STAB2: variants seen among roughly 807,000 people sequenced by gnomAD.
STAB2 encodes stabilin-2.
STAB2 carries 288 observed loss-of-function variants against 338.1 expected under a neutral mutation model. The observed-to-expected ratio is 0.85, with a 90% confidence interval of 0.77 to 0.94. The LOEUF (loss-of-function observed/expected upper bound fraction) is 0.94. STAB2 is among the 40% of genes least tolerant of loss of function. The probability of loss-of-function intolerance (pLI) is 0.00; values close to 1 mark genes in which losing one functional copy is unlikely to be tolerated. For synonymous variants in STAB2, 1,202 were observed against 1,193.3 expected, an observed-to-expected ratio of 1.01 and a Z score of -0.15; for missense variants, 3,141 against 3,210.1, an observed-to-expected ratio of 0.98 and a Z score of 0.52.
chr12:103,637,041 A>C, intron 6 of STAB2, 70 bp from the exon 7 acceptor site: 7 of 1,438,690 alleles, frequency 4.9e-6, no homozygotes, highest in Non-Finnish European at 5.6e-6. Context: ...AAAAGGGAAT[A>C]CTGCAGTTTG....
intron 17 of STAB2, among the ~76,000 whole-genome samples, chr12:103,662,559 A>G (rs1444216548): frequency 6.6e-6 from 1 of 152,232 alleles, no homozygotes; most frequent in African/African-American, 2.4e-5. Context: ...GTCTCACAGC[A>G]AGTATATTGC....
At chr12:103,603,150 A>C (rs1441816669) in intron 3 of STAB2, among the ~76,000 whole-genome samples, 1 of 152,122 alleles carries the variant, frequency 6.6e-6, no homozygotes, top group Non-Finnish European at 1.5e-5. Flanking sequence ...GGCTCACTGC[A>C]AGCTCTGCCT....
intron 6 of STAB2, among the ~76,000 whole-genome samples, chr12:103,631,934 G>A (rs1002761049): frequency 6.6e-6 from 1 of 152,206 alleles, no homozygotes; most frequent in Admixed American, 6.5e-5. Flanking sequence ...CTGTGTTTTA[G>A]GAAGGTTGAA....
intron 3 of STAB2, among the ~76,000 whole-genome samples, chr12:103,613,300 G>A (rs528439894): frequency 1.3e-5 from 2 of 152,196 alleles, no homozygotes; most frequent in South Asian, 4.1e-4. Context: ...GTATACAGAG[G>A]TAGGCAGGCC....
At chr12:103,708,621 C>G in intron 39 of STAB2, 85 bp downstream of exon 39, 1 of 1,283,738 alleles carries the variant, frequency 7.8e-7, no homozygotes, top group Non-Finnish European at 1.1e-6. Context: ...ATATAAATGA[C>G]ACCTTTTTTT....
At chr12:103,686,608 T>C (rs1877455334) in intron 27 of STAB2, among the ~76,000 whole-genome samples, 2 of 152,128 alleles carry the variant, frequency 1.3e-5, no homozygotes, top group Admixed American at 1.3e-4. Context: ...CAGGTTCAGG[T>C]GATCCTCCTG....
chr12:103,633,836 C>T (rs1413006827), intron 6 of STAB2, among the ~76,000 whole-genome samples: 2 of 152,066 alleles, frequency 1.3e-5, no homozygotes, highest in Admixed American at 6.5e-5. Context: ...ACAAATTTTA[C>T]CCATCTGTGG....
At chr12:103,763,708 C>A in intron 68 of STAB2, 100 bp downstream of exon 68, 1 of 1,128,344 alleles carries the variant, frequency 8.9e-7, no homozygotes, top group Non-Finnish European at 1.3e-6. Flanking sequence ...AAAGAAGGTT[C>A]ATTTCTAGAA....
rs1181648860 is a variant in STAB2, at chr12:103,648,744, T to G, written c.1095T>G (p.Ile365Met). 6.2e-7 allele frequency: 1 copy of G among 1,614,134 alleles called. No individual in the cohort carries two copies. Among genetic ancestry groups the G allele is most frequent in the Admixed American group, 1.7e-5 (1 of 60,010 alleles). ...ATGGCTTAACGTGTTATGGAAACAT[T>G]ATGGAGCGACTCAGAGAATTAAATA... The part of the protein sequence containing the change: ...VGDGLTCYGN[I>M]MERLRELNTE... The change falls in exon 10 of 69, where the codon ATT (isoleucine) becomes ATG (methionine). Residue 365 changes from isoleucine to methionine, a missense_variant. Physicochemically the swap from Ile to Met is conservative, Grantham distance 10. Transcript: ENST00000388887.
rs1593209976 is a variant in STAB2, at chr12:103,670,643, A to C, written c.2260-53A>C. The C allele has an allele frequency of 2.1e-6, 3 of 1,416,154 alleles. No homozygotes were observed. The East Asian group carries it at 7.0e-5, about 33-fold the overall frequency. The allele number at this position is 1,416,154 out of a possible 1,614,324, so 87.7% of individuals were successfully genotyped here. A position where few individuals can be genotyped will look rare whatever the true frequency, so the allele number is the denominator to read the frequency against. Reference sequence around the variant, plus strand: ...AAAGAAGTCAGGCCATGAAATGAAAACACCTGAGAACTATGTGTCCTAATG... The same window carrying C: ...AAAGAAGTCAGGCCATGAAATGAAACCACCTGAGAACTATGTGTCCTAATG... On this transcript the variant is annotated intron_variant, in intron 21 of 68. Coordinates refer to ENST00000388887, the MANE Select transcript of STAB2 (RefSeq NM_017564.10).
chr12:103,750,091 G>T (rs10431459), intron 59 of STAB2, among the ~76,000 whole-genome samples: 50,273 of 151,914 alleles, frequency 0.33, 8,668 homozygotes, highest in East Asian at 0.47. Flanking sequence ...TTGTTGTGGG[G>T]ATTAAAGGAG....
At chr12:103,614,424 G>T (rs982434469) in intron 3 of STAB2, among the ~76,000 whole-genome samples, 1 of 152,170 alleles carries the variant, frequency 6.6e-6, no homozygotes, top group African/African-American at 2.4e-5. Flanking sequence ...GTTTCCTGCT[G>T]ACCTCTAGCC....
chr12:103,654,723 T>A, intron 13 of STAB2, 25 bp downstream of exon 13: 1 of 1,607,686 alleles, frequency 6.2e-7, no homozygotes, highest in East Asian at 2.2e-5. Flanking sequence ...AAAAGTCACA[T>A]CAGGCCAGGT....
chr12:103,689,534 C>T (rs1294225527), intron 28 of STAB2, among the ~76,000 whole-genome samples: 1 of 151,762 alleles, frequency 6.6e-6, no homozygotes, highest in Non-Finnish European at 1.5e-5. Flanking sequence ...TGCACACACA[C>T]ATACTCACAA....
Position 103,706,698 on chromosome 12 carries a change from G to C in STAB2, c.3997-94G>C, listed in dbSNP as rs1879376915. On this transcript the variant is annotated intron_variant, in intron 37 of 68. Coordinates refer to ENST00000388887, the MANE Select transcript of STAB2 (RefSeq NM_017564.10). ...TCCATGTGAGGTCGAAGAAACAGGT[G>C]CACAAGAAGTCACCCACAGCAGGAT... 2.0e-6 allele frequency: 3 copies of C among 1,520,994 alleles called. No individual in the cohort carries two copies. The Admixed American group carries it at 5.3e-5, about 27-fold the overall frequency. 94.2% of individuals were successfully genotyped at this position (1,520,994 alleles called of 1,614,324 possible).
At chr12:103,761,003 C>CTCCT (rs200348409) in intron 65 of STAB2, among the ~76,000 whole-genome samples, 1 of 48,824 alleles carries the variant, frequency 2.0e-5, no homozygotes, top group African/African-American at 1.2e-4. Flanking sequence ...ATGGGGTTTG[C>CTCCT]TACTTCCTGG....
intron 24 of STAB2, 37 bp downstream of exon 24, chr12:103,676,058 C>CTTTTTTTTTTTTTTTTTT (rs35874368): frequency 1.7e-6 from 1 of 599,838 alleles, no homozygotes; most frequent in Non-Finnish European, 2.4e-6. Context: ...TGCCTGGTTT[C>CTTTTTTTTTTTTTTTTTT]TTTTTTTTTT....
chr12:103,721,278 G>A (rs1880741393), intron 44 of STAB2, among the ~76,000 whole-genome samples: 3 of 152,206 alleles, frequency 2.0e-5, no homozygotes, highest in Admixed American at 2.0e-4. Flanking sequence ...TGAATGTTAA[G>A]AAGCGGGCAG....
chr12:103,630,846 T>A (rs187930739), intron 5 of STAB2, among the ~76,000 whole-genome samples: 94 of 152,304 alleles, frequency 6.2e-4, no homozygotes, highest in Admixed American at 5.0e-3. Flanking sequence ...AATGAGTACA[T>A]TTTGGACTTC....
Sources: gnomAD v4.1 joint callset for allele counts (sites outside exome capture counted in the v4.1 genomes callset) on GRCh38, gnomAD v4.1.1 for gene constraint, MANE v1.5 for transcripts, NCBI Gene and HGNC (gene_info 2026-07-23, HGNC 2026-07-21) for gene names.